GABRB1: variants seen among roughly 807,000 people sequenced by gnomAD.
GABRB1 encodes gamma-aminobutyric acid type A receptor subunit beta1.
GABRB1 carries 17 observed loss-of-function variants against 51.6 expected under a neutral mutation model. That is an observed-to-expected ratio of 0.33 (90% CI 0.23 to 0.49). GABRB1 has a LOEUF of 0.49. Ranked by LOEUF, GABRB1 falls within the 20% of genes least tolerant of loss-of-function variation. The pLI, the probability that GABRB1 is intolerant of heterozygous loss-of-function variation, is 0.99. For synonymous variants in GABRB1, 247 were observed against 218.9 expected, an observed-to-expected ratio of 1.13 and a Z score of -1.14; for missense variants, 410 against 600.6, an observed-to-expected ratio of 0.68 and a Z score of 3.32.
At chr4:47,210,761 A>G (rs891347731) in intron 4 of GABRB1, among the ~76,000 whole-genome samples, 3 of 152,194 alleles carry the variant, frequency 2.0e-5, no homozygotes, top group Non-Finnish European at 2.9e-5. Flanking sequence ...TGTTAAAGAC[A>G]TAGAGAAAAT....
intron 4 of GABRB1, among the ~76,000 whole-genome samples, chr4:47,178,841 T>C (rs1718813546): frequency 6.6e-6 from 1 of 152,156 alleles, no homozygotes; most frequent in South Asian, 2.1e-4. Context: ...TGGTTGAATG[T>C]AGAGAAAATA....
intron 4 of GABRB1, among the ~76,000 whole-genome samples, chr4:47,258,800 G>A (rs1041911712): frequency 2.6e-5 from 4 of 152,094 alleles, no homozygotes; most frequent in African/African-American, 9.7e-5. Context: ...TTCCTAAAAA[G>A]TGTCTCATTA....
chr4:47,426,171 A>G lies in GABRB1; in HGVS notation c.*153A>G. 1 of 547,924 alleles carries G rather than the reference A, an allele frequency of 1.8e-6. No homozygotes were observed. The highest frequency in any genetic ancestry group is 3.1e-6 in the Non-Finnish European group (1 of 324,896). 33.9% of individuals were successfully genotyped at this position (547,924 alleles called of 1,614,324 possible). A position where few individuals can be genotyped will look rare whatever the true frequency, so the allele number is the denominator to read the frequency against. The stretch of plus-strand genomic sequence containing the variant: ...TGCATATCAGTTTTATTACTGCACC[A>G]TGTTTACTTCAAAAAGACAAAACAA... On this transcript the variant is annotated 3_prime_UTR_variant, in exon 9 of 9. Transcript: ENST00000295454.
At chr4:47,351,473 T>G (rs1267399637) in intron 5 of GABRB1, among the ~76,000 whole-genome samples, 2 of 152,096 alleles carry the variant, frequency 1.3e-5, no homozygotes, top group Non-Finnish European at 2.9e-5. Flanking sequence ...GTTAGTTACA[T>G]ATGTGTACAT....
intron 4 of GABRB1, among the ~76,000 whole-genome samples, chr4:47,181,443 A>G (rs1718943492): frequency 6.6e-6 from 1 of 152,054 alleles, no homozygotes; most frequent in Non-Finnish European, 1.5e-5. Flanking sequence ...TGTTAATTAT[A>G]TGTAAACCAA....
At chr4:47,089,382 T>C (rs1451008464) in intron 3 of GABRB1, among the ~76,000 whole-genome samples, 2 of 152,216 alleles carry the variant, frequency 1.3e-5, no homozygotes, top group African/African-American at 2.4e-5. Flanking sequence ...AGTCCAGCTC[T>C]GCCTCAAAGT....
intron 3 of GABRB1, among the ~76,000 whole-genome samples, chr4:47,108,937 A>G (rs898790053): frequency 6.6e-6 from 1 of 152,070 alleles, no homozygotes; most frequent in African/African-American, 2.4e-5. Flanking sequence ...TGTGCTTTTT[A>G]TAGAAAGTTT....
intron 4 of GABRB1, among the ~76,000 whole-genome samples, chr4:47,166,513 A>G (rs929558184): frequency 3.9e-5 from 6 of 152,086 alleles, no homozygotes; most frequent in Non-Finnish European, 5.9e-5. Context: ...TTTTCTCTAG[A>G]TTACTTTATT....
intron 5 of GABRB1, among the ~76,000 whole-genome samples, chr4:47,384,567 T>C (rs1379411569): frequency 6.6e-6 from 1 of 152,180 alleles, no homozygotes; most frequent in Non-Finnish European, 1.5e-5. Context: ...GTTTCCCACA[T>C]TGAGGATATA....
intron 4 of GABRB1, among the ~76,000 whole-genome samples, chr4:47,251,547 G>A (rs1721989379): frequency 6.6e-6 from 1 of 152,172 alleles, no homozygotes; most frequent in Admixed American, 6.5e-5. Flanking sequence ...AACAGGGTGG[G>A]TAGGGAAGGA....
At chr4:47,338,810 T>C (rs1310035559) in intron 5 of GABRB1, among the ~76,000 whole-genome samples, 2 of 152,188 alleles carry the variant, frequency 1.3e-5, no homozygotes, top group African/African-American at 4.8e-5. Flanking sequence ...AAATATCCAC[T>C]ATTTGTTGCA....
At chr4:47,171,507 AT>A (rs1005171616) in intron 4 of GABRB1, among the ~76,000 whole-genome samples, 53 of 152,224 alleles carry the variant, frequency 3.5e-4, no homozygotes, top group African/African-American at 1.2e-3. Flanking sequence ...CAAATTTAGT[AT>A]TTTAGTACCA....
chr4:47,024,026 A>T (rs1315133959), intron 1 of GABRB1, among the ~76,000 whole-genome samples: 1 of 151,942 alleles, frequency 6.6e-6, no homozygotes, highest in Non-Finnish European at 1.5e-5. Context: ...TAGCTAACTA[A>T]TAAAATCTTC....
intron 4 of GABRB1, among the ~76,000 whole-genome samples, chr4:47,284,763 T>A (rs116077208): frequency 2.0e-3 from 312 of 152,354 alleles, no homozygotes; most frequent in African/African-American, 7.3e-3. Flanking sequence ...AAGAGTGGAC[T>A]GTGCAAGCAC....
intron 5 of GABRB1, among the ~76,000 whole-genome samples, chr4:47,352,379 C>A (rs1041201947): frequency 3.9e-5 from 6 of 152,094 alleles, no homozygotes; most frequent in African/African-American, 1.2e-4. Flanking sequence ...CTATTCCAAT[C>A]AATAGAAAAA....
intron 4 of GABRB1, among the ~76,000 whole-genome samples, chr4:47,215,013 A>G (rs896006956): frequency 6.6e-6 from 1 of 152,004 alleles, no homozygotes; most frequent in African/African-American, 2.4e-5. Context: ...GTTTGTTGGG[A>G]TGTAACCCCA....
chr4:47,237,898 C>T (rs569693264), intron 4 of GABRB1, among the ~76,000 whole-genome samples: 11 of 151,908 alleles, frequency 7.2e-5, no homozygotes, highest in Non-Finnish European at 1.5e-4. Context: ...TTTTTATGAG[C>T]ATTTCAGCAA....
At chr4:47,115,934 T>TTACTTTTA in intron 3 of GABRB1, among the ~76,000 whole-genome samples, 1 of 152,310 alleles carries the variant, frequency 6.6e-6, no homozygotes, top group African/African-American at 2.4e-5. Flanking sequence ...AAATTTTATT[T>TTACTTTTA]TACTTTTATT....
chr4:47,201,318 A>G (rs1318808587), intron 4 of GABRB1, among the ~76,000 whole-genome samples: 1 of 152,174 alleles, frequency 6.6e-6, no homozygotes, highest in African/African-American at 2.4e-5. Flanking sequence ...AGTTACAGCT[A>G]TACTTTATCT....
Sources: gnomAD v4.1 joint callset for allele counts (sites outside exome capture counted in the v4.1 genomes callset) on GRCh38, gnomAD v4.1.1 for gene constraint, MANE v1.5 for transcripts, NCBI Gene and HGNC (gene_info 2026-07-23, HGNC 2026-07-21) for gene names.